NRXN3: variants seen among roughly 807,000 people sequenced by gnomAD.
NRXN3 encodes the protein neurexin III.
Under a neutral mutation model 137.6 loss-of-function variants are expected in NRXN3, and 32 were observed. The observed-to-expected ratio is 0.23, with a 90% confidence interval of 0.18 to 0.31. The LOEUF is 0.31. Among genes scored for constraint, NRXN3 ranks in the 10% least tolerant of loss-of-function variants. The pLI, the probability that NRXN3 is intolerant of heterozygous loss-of-function variation, is 1.00. For missense variants in NRXN3, 1,574 were observed against 2,062.5 expected (o/e 0.76, Z 4.59); for synonymous variants, 798 against 784.5 (o/e 1.02, Z -0.29).
intron 19 of NRXN3, among the ~76,000 whole-genome samples, chr14:79,756,818 C>G (rs536428010): frequency 1.1e-4 from 17 of 152,250 alleles, no homozygotes; most frequent in Admixed American, 8.5e-4. Context: ...GAGAATGAAA[C>G]TAAATATAAA....
intron 4 of NRXN3, among the ~76,000 whole-genome samples, chr14:78,509,146 A>G (rs2096057041): frequency 1.3e-5 from 2 of 152,134 alleles, no homozygotes; most frequent in African/African-American, 4.8e-5. Flanking sequence ...CTAAAAATAC[A>G]AAAATTATTT....
intron 10 of NRXN3, among the ~76,000 whole-genome samples, chr14:78,948,652 T>G (rs2099376333): frequency 7.9e-6 from 1 of 126,166 alleles, no homozygotes. Flanking sequence ...TTTTTTTTTT[T>G]GCTTTATTAA....
At chr14:79,632,262 G>C (rs1192549972) in intron 16 of NRXN3, 1 of 153,346 alleles carries the variant, frequency 6.5e-6, no homozygotes, top group Non-Finnish European at 1.4e-5. Flanking sequence ...CCATCTTTAA[G>C]AACTGTAACA....
At chr14:79,101,360 A>G (rs2152842874) in intron 15 of NRXN3, among the ~76,000 whole-genome samples, 1 of 152,268 alleles carries the variant, frequency 6.6e-6, no homozygotes, top group Admixed American at 6.5e-5. Flanking sequence ...AAGTTTCCCC[A>G]CCTTCTGGAG....
intron 20 of NRXN3, among the ~76,000 whole-genome samples, chr14:79,810,527 C>T (rs1249194532): frequency 6.6e-6 from 1 of 152,194 alleles, no homozygotes; most frequent in Non-Finnish European, 1.5e-5. Context: ...GAGTGGTTCT[C>T]AGGTATATTT....
At chr14:78,949,159 A>ATATC (rs2099380295) in intron 10 of NRXN3, among the ~76,000 whole-genome samples, 1 of 152,282 alleles carries the variant, frequency 6.6e-6, no homozygotes. Context: ...GACTTCATTT[A>ATATC]TATCTATCTG....
At chr14:78,736,617 A>G (rs1022377074) in intron 8 of NRXN3, among the ~76,000 whole-genome samples, 1 of 152,212 alleles carries the variant, frequency 6.6e-6, no homozygotes, top group Non-Finnish European at 1.5e-5. Flanking sequence ...TCTAATAGTA[A>G]TAAGGACTAT....
intron 4 of NRXN3, among the ~76,000 whole-genome samples, chr14:78,548,379 A>T (rs776518181): frequency 2.6e-5 from 4 of 152,192 alleles, no homozygotes; most frequent in Non-Finnish European, 5.9e-5. Flanking sequence ...ATTTCCCATG[A>T]CTTGGACAGG....
At chr14:79,487,854 A>G (rs1342684609) in intron 16 of NRXN3, among the ~76,000 whole-genome samples, 2 of 152,188 alleles carry the variant, frequency 1.3e-5, no homozygotes, top group Non-Finnish European at 2.9e-5. Context: ...AGGCTGAGAA[A>G]CAATGAGTGT....
intron 2 of NRXN3, among the ~76,000 whole-genome samples, chr14:78,265,593 C>G (rs1313957017): frequency 6.6e-6 from 1 of 152,028 alleles, no homozygotes; most frequent in African/African-American, 2.4e-5. Context: ...GAACTGAAAC[C>G]ACCTCTAAAT....
At chr14:79,050,356 A>G (rs560760657) in intron 15 of NRXN3, among the ~76,000 whole-genome samples, 1 of 152,354 alleles carries the variant, frequency 6.6e-6, no homozygotes, top group Admixed American at 6.5e-5. Flanking sequence ...ATCTTCTTGT[A>G]GTCACACATC....
intron 6 of NRXN3, among the ~76,000 whole-genome samples, chr14:78,673,233 G>A (rs756354025): frequency 6.6e-6 from 1 of 152,210 alleles, no homozygotes; most frequent in Non-Finnish European, 1.5e-5. Context: ...CCCATGAGTT[G>A]GGGGAATGAA....
At chr14:79,834,143 A>C (rs1472764254) in intron 20 of NRXN3, among the ~76,000 whole-genome samples, 1 of 152,182 alleles carries the variant, frequency 6.6e-6, no homozygotes, top group Non-Finnish European at 1.5e-5. Context: ...GTAGTTACAT[A>C]AACAGGTCCC....
intron 2 of NRXN3, among the ~76,000 whole-genome samples, chr14:78,249,309 G>T (rs1256098766): frequency 1.3e-5 from 2 of 152,224 alleles, no homozygotes; most frequent in Admixed American, 6.5e-5. Context: ...AGGAGCCTCA[G>T]AGTAGCACGT....
chr14:79,669,380 A>G (rs2153994887), intron 17 of NRXN3, among the ~76,000 whole-genome samples: 1 of 152,238 alleles, frequency 6.6e-6, no homozygotes, highest in Non-Finnish European at 1.5e-5. Context: ...AGGTGCTCCA[A>G]CATTCAGTCA....
At chr14:79,305,385 C>T (rs573006527) in intron 15 of NRXN3, among the ~76,000 whole-genome samples, 1 of 152,168 alleles carries the variant, frequency 6.6e-6, no homozygotes, top group African/African-American at 2.4e-5. Flanking sequence ...GTTCTCAGAA[C>T]ATTCTTCTAA....
chr14:79,859,162 T>C (rs1466636192), intron 20 of NRXN3, among the ~76,000 whole-genome samples: 1 of 152,098 alleles, frequency 6.6e-6, no homozygotes, highest in African/African-American at 2.4e-5. Context: ...TTTTTTTAAA[T>C]TTCATAGTAA....
At chr14:79,433,542 A>C (rs1254174239) in intron 15 of NRXN3, among the ~76,000 whole-genome samples, 1 of 152,168 alleles carries the variant, frequency 6.6e-6, no homozygotes, top group African/African-American at 2.4e-5. Context: ...GGTAAATAGC[A>C]GTGGGACCCC....
intron 4 of NRXN3, among the ~76,000 whole-genome samples, chr14:78,554,172 C>T (rs1757672017): frequency 6.6e-6 from 1 of 152,138 alleles, no homozygotes; most frequent in African/African-American, 2.4e-5. Context: ...TTGACACCTC[C>T]TCCTAATTAA....
Sources: gnomAD v4.1 joint callset for allele counts (sites outside exome capture counted in the v4.1 genomes callset) on GRCh38, gnomAD v4.1.1 for gene constraint, MANE v1.5 for transcripts, NCBI Gene and HGNC (gene_info 2026-07-23, HGNC 2026-07-21) for gene names.